RALGAPA1: variants seen among roughly 807,000 people sequenced by gnomAD.
The protein encoded by RALGAPA1 is ral GTPase-activating protein subunit alpha-1.
A neutral mutation model predicts 269.6 loss-of-function variants in RALGAPA1; 52 were observed. The ratio of observed to expected loss-of-function variants is 0.19; its 90% CI spans 0.15 to 0.24. RALGAPA1 has a LOEUF of 0.24. Among genes scored for constraint, RALGAPA1 ranks in the 10% least tolerant of loss-of-function variants. The pLI, the probability that RALGAPA1 is intolerant of heterozygous loss-of-function variation, is 1.00. For missense variants in RALGAPA1, 1,917 were observed against 3,013.9 expected, an observed-to-expected ratio of 0.64 and a Z score of 8.52; for synonymous variants, 817 against 1,008.3, an observed-to-expected ratio of 0.81 and a Z score of 3.60.
chr14:35,657,456 CT>C (rs2063256424), intron 28 of RALGAPA1, among the ~76,000 whole-genome samples: 1 of 151,914 alleles, frequency 6.6e-6, no homozygotes, highest in South Asian at 2.1e-4. Context: ...TCCCAAAGTG[CT>C]GGGATTCCAG....
intron 17 of RALGAPA1, among the ~76,000 whole-genome samples, chr14:35,690,413 T>C (rs1484866779): frequency 6.6e-6 from 1 of 152,166 alleles, no homozygotes; most frequent in Non-Finnish European, 1.5e-5. Context: ...CACTGTAGAC[T>C]CTTATAGGGT....
chr14:35,758,264 A>C (rs1343629243), intron 6 of RALGAPA1, among the ~76,000 whole-genome samples: 13 of 150,840 alleles, frequency 8.6e-5, no homozygotes, highest in Non-Finnish European at 1.8e-4. Context: ...AAAAAAAAAA[A>C]AACAAACCGA....
intron 1 of RALGAPA1, among the ~76,000 whole-genome samples, chr14:35,803,192 C>A (rs2077102740): frequency 6.6e-6 from 1 of 151,954 alleles, no homozygotes; most frequent in Non-Finnish European, 1.5e-5. Flanking sequence ...AGAAATAGGC[C>A]CACACATATT....
chr14:35,586,480 C>T (rs1320728131), intron 37 of RALGAPA1, among the ~76,000 whole-genome samples: 1 of 152,176 alleles, frequency 6.6e-6, no homozygotes, highest in Non-Finnish European at 1.5e-5. Context: ...GAACTTCCAA[C>T]ACTATGTTGA....
At chr14:35,768,682 A>C (rs931816145) in intron 4 of RALGAPA1, among the ~76,000 whole-genome samples, 1 of 151,930 alleles carries the variant, frequency 6.6e-6, no homozygotes, top group Non-Finnish European at 1.5e-5. Context: ...TGACTGAATA[A>C]GATCCTGTCT....
chr14:35,667,645 C>T (rs2064055973), intron 26 of RALGAPA1, among the ~76,000 whole-genome samples: 1 of 152,168 alleles, frequency 6.6e-6, no homozygotes, highest in South Asian at 2.1e-4. Context: ...GTGTGCAGAT[C>T]ACACTTTGGG....
intron 37 of RALGAPA1, among the ~76,000 whole-genome samples, chr14:35,573,442 C>G (rs1470325439): frequency 6.6e-6 from 1 of 152,084 alleles, no homozygotes; most frequent in Non-Finnish European, 1.5e-5. Context: ...TTTGAGTTGA[C>G]TTTTAGTGCA....
intron 17 of RALGAPA1, among the ~76,000 whole-genome samples, chr14:35,695,545 T>C (rs138861565): frequency 7.2e-5 from 11 of 152,304 alleles, no homozygotes; most frequent in African/African-American, 1.9e-4. Context: ...GTCTACATAC[T>C]ATAGCCTAGA....
intron 15 of RALGAPA1, 65 bp from the exon 16 acceptor site, chr14:35,721,914 G>T: frequency 7.3e-7 from 1 of 1,363,088 alleles, no homozygotes; most frequent in Non-Finnish European, 1.0e-6. Context: ...CAAGTTATGC[G>T]TGCTACCTTG....
chr14:35,641,344 C>T (rs2139835744), intron 31 of RALGAPA1, among the ~76,000 whole-genome samples: 2 of 152,164 alleles, frequency 1.3e-5, no homozygotes, highest in South Asian at 4.2e-4. Flanking sequence ...TTGGAAAGAC[C>T]TAAAGACTCT....
intron 5 of RALGAPA1, 43 bp from the exon 6 acceptor site, chr14:35,761,049 A>G: frequency 7.0e-7 from 1 of 1,427,388 alleles, no homozygotes; most frequent in Non-Finnish European, 9.5e-7. Context: ...TTTATAATGG[A>G]AATATTTTCT....
intron 39 of RALGAPA1, among the ~76,000 whole-genome samples, chr14:35,566,866 A>T (rs1040740280): frequency 1.4e-5 from 2 of 140,798 alleles, no homozygotes; most frequent in African/African-American, 5.5e-5. Flanking sequence ...AACTTTGTAC[A>T]TTATATATAT....
At chr14:35,567,005 A>G (rs1001461627) in intron 39 of RALGAPA1, among the ~76,000 whole-genome samples, 3 of 151,626 alleles carry the variant, frequency 2.0e-5, no homozygotes, top group Admixed American at 1.3e-4. Context: ...AGGTATATAT[A>G]CTACACTCAG....
intron 1 of RALGAPA1, among the ~76,000 whole-genome samples, chr14:35,802,184 T>TG (rs1761910197): frequency 6.6e-6 from 1 of 152,152 alleles, no homozygotes. Context: ...GGTGTGTGCC[T>TG]GTAATCCCAG....
chr14:35,725,065 T>G lies in RALGAPA1; in HGVS notation c.1825A>C (p.Asn609His). 6.2e-7 allele frequency: 1 copy of G among 1,605,896 alleles called. No homozygotes were observed. Among genetic ancestry groups the G allele is most frequent in the African/African-American group, 1.3e-5 (1 of 74,654 alleles). Residue 609 changes from asparagine to histidine, a missense_variant, in exon 14 of 42, where the codon AAT becomes CAT. Asn to His is a moderately conservative substitution (Grantham distance 68). Coordinates refer to ENST00000680220, the MANE Select transcript of RALGAPA1 (RefSeq NM_001346249.2). Reference protein sequence around the residue: ...QAFLQFQGKKNMTLAGRLAGP... With the variant: ...QAFLQFQGKKHMTLAGRLAGP... Reference sequence around the variant, plus strand: ...GCAAGTCGACCTGCCAAGGTCATATTTTTTTTCCCTTGGAACTGTAGAAAA... The same window carrying G: ...GCAAGTCGACCTGCCAAGGTCATATGTTTTTTCCCTTGGAACTGTAGAAAA...
In RALGAPA1 at chr14:35,723,173, G is replaced by A; in HGVS notation, c.1958C>T (p.Thr653Ile). The change falls in exon 15 of 42, where the codon ACC becomes ATC. Residue 653 changes from threonine (T) to isoleucine (I), a missense_variant. This residue lies in a region of RALGAPA1 where 40 missense variants were observed against 112.6 expected (regional missense o/e 0.36). Transcript: ENST00000680220. The part of the protein sequence containing the change: ...DDLLSVLSSL[T>I]YWEELATEWS... ...CTCAGTGGCCAACTCTTCCCAATAG[G>A]TCAGCGATGACAATACTGACAGTAA... 6.2e-7 allele frequency: 1 copy of A among 1,613,444 alleles called. No homozygotes were observed. Among genetic ancestry groups the A allele is most frequent in the Admixed American group, 1.7e-5 (1 of 59,994 alleles).
At chr14:35,751,809 C>CA (rs758896675) in intron 8 of RALGAPA1, among the ~76,000 whole-genome samples, 6,475 of 107,946 alleles carry the variant, frequency 0.06, 398 homozygotes, top group African/African-American at 0.17. Flanking sequence ...ACAACAACAA[C>CA]AACAAAAAAA....
chr14:35,721,852 G>A lies in RALGAPA1; in HGVS notation c.2105-3C>T, dbSNP rs2069445548. The A allele has an allele frequency of 1.9e-6, 3 of 1,611,500 alleles. 1 individual carries two copies. The highest frequency in any genetic ancestry group is 2.2e-5 in the South Asian group (2 of 90,974). On this transcript the variant is annotated splice_polypyrimidine_tract_variant and splice_region_variant and intron_variant, in intron 15 of 41. Transcript: ENST00000680220. ...TTTCTGAAATTCATGTCCAACTCCTGGAAATGTAGATTTTCAATCTCAATA... is the reference window on the plus strand; with the variant it reads ...TTTCTGAAATTCATGTCCAACTCCTAGAAATGTAGATTTTCAATCTCAATA...
At chr14:35,697,656 G>GT (rs796270291) in intron 17 of RALGAPA1, among the ~76,000 whole-genome samples, 1,609 of 144,030 alleles carry the variant, frequency 0.011, 34 homozygotes, top group African/African-American at 0.035. Context: ...CAACAGTTTT[G>GT]TTTTTTTTTT....
Sources: gnomAD v4.1 joint callset for allele counts (sites outside exome capture counted in the v4.1 genomes callset) on GRCh38, gnomAD v4.1.1 for gene constraint, gnomAD v4.1.1 regional missense constraint, MANE v1.5 for transcripts, NCBI Gene and HGNC (gene_info 2026-07-23, HGNC 2026-07-21) for gene names.